SEMA5A: variants seen among roughly 807,000 people sequenced by gnomAD.
SEMA5A encodes the protein semaphorin-5A.
In SEMA5A, 55 loss-of-function variants were observed where a neutral mutation model predicts 135.5. The observed-to-expected ratio is 0.41, with a 90% CI of 0.33 to 0.51. SEMA5A has a LOEUF of 0.51. Ranked by LOEUF, SEMA5A falls within the 20% of genes least tolerant of loss-of-function variation. The pLI is 0.37. For missense variants in SEMA5A, 1,290 were observed against 1,419.9 expected (o/e 0.91, Z 1.47); for synonymous variants, 580 against 546.5 (o/e 1.06, Z -0.85).
intron 5 of SEMA5A, among the ~76,000 whole-genome samples, chr5:9,317,804 C>T (rs1209705614): frequency 6.6e-6 from 1 of 152,084 alleles, no homozygotes; most frequent in Non-Finnish European, 1.5e-5. Context: ...GAAAAGTGGG[C>T]TTTTGTGACT....
chr5:9,152,870 G>A (rs182394442), intron 12 of SEMA5A, among the ~76,000 whole-genome samples: 52 of 152,182 alleles, frequency 3.4e-4, no homozygotes, highest in African/African-American at 1.1e-3. Flanking sequence ...TCAGGAATTC[G>A]GGACCAGCCT....
chr5:9,338,077 A>G (rs1224984284), intron 3 of SEMA5A, among the ~76,000 whole-genome samples: 1 of 152,170 alleles, frequency 6.6e-6, no homozygotes, highest in Non-Finnish European at 1.5e-5. Context: ...CCAGATGTGC[A>G]TTTTCCTTTT....
At chr5:9,147,719 CA>C (rs1377264067) in intron 12 of SEMA5A, among the ~76,000 whole-genome samples, 1 of 56,712 alleles carries the variant, frequency 1.8e-5, no homozygotes, top group African/African-American at 6.7e-5. Context: ...AAAAATAAAA[CA>C]AACCAAAAAA....
intron 2 of SEMA5A, among the ~76,000 whole-genome samples, chr5:9,432,413 G>A (rs986671817): frequency 1.3e-5 from 2 of 152,096 alleles, no homozygotes; most frequent in South Asian, 4.1e-4. Flanking sequence ...TCAGGAACGT[G>A]GCACCGAAAG....
At chr5:9,527,939 G>T (rs1579690022) in intron 1 of SEMA5A, among the ~76,000 whole-genome samples, 1 of 152,102 alleles carries the variant, frequency 6.6e-6, no homozygotes, top group East Asian at 1.9e-4. Flanking sequence ...AAGACATCCT[G>T]CAACTAATCT....
At chr5:9,444,626 T>C (rs1006016535) in intron 1 of SEMA5A, among the ~76,000 whole-genome samples, 28 of 152,236 alleles carry the variant, frequency 1.8e-4, no homozygotes, top group African/African-American at 6.5e-4. Flanking sequence ...ATTTTTGCAA[T>C]TGCGAACTGT....
chr5:9,414,700 T>C (rs1466136238), intron 2 of SEMA5A, among the ~76,000 whole-genome samples: 1 of 152,176 alleles, frequency 6.6e-6, no homozygotes, highest in Non-Finnish European at 1.5e-5. Context: ...CATTCACAAG[T>C]AAGAGAAGAA....
At position 9,040,716 on chromosome 5, in the gene SEMA5A, T is replaced by C. The variant is rs1035382805; in HGVS notation, c.*2181A>G. The C allele has an allele frequency of 6.6e-6, 1 of 152,168 alleles. No individual in the cohort carries two copies. The highest frequency in any genetic ancestry group is 6.5e-5 in the Admixed American group (1 of 15,278). The allele number at this position is 152,168 out of a possible 1,614,324, so 9.4% of individuals were successfully genotyped here. A position where few individuals can be genotyped will look rare whatever the true frequency, so the allele number is the denominator to read the frequency against. On this transcript the variant is annotated 3_prime_UTR_variant, in exon 23 of 23. Transcript: ENST00000382496. ...TTTTTCCCAAGTCATTGCAAAAGAC[T>C]CATTAAAGACCAGCTTCGATGCCAT...
intron 6 of SEMA5A, among the ~76,000 whole-genome samples, chr5:9,231,488 A>G (rs1248896420): frequency 6.6e-6 from 1 of 151,694 alleles, no homozygotes; most frequent in South Asian, 2.1e-4. Flanking sequence ...AAAAAAAAAA[A>G]AAAAATGGAA....
chr5:9,494,571 A>G (rs1231193354), intron 1 of SEMA5A, among the ~76,000 whole-genome samples: 2 of 152,078 alleles, frequency 1.3e-5, no homozygotes, highest in Non-Finnish European at 2.9e-5. Context: ...TTAGTAGGTC[A>G]TGGATGAGTC....
At chr5:9,135,576 T>C (rs369320255) in intron 13 of SEMA5A, among the ~76,000 whole-genome samples, 21 of 152,238 alleles carry the variant, frequency 1.4e-4, no homozygotes, top group African/African-American at 5.1e-4. Context: ...AGGCTGACTG[T>C]TGCAACGCCT....
At position 9,325,232 on chromosome 5, in the gene SEMA5A, G is replaced by A. The variant is rs551415195; in HGVS notation, c.225-6815C>T. On this transcript the variant is annotated intron_variant, in intron 4 of 22. Transcript: ENST00000382496. ...ATGAGTTTTTTCTGCCTGTGGTATG[G>A]ATCTACTTTTTTTTTTTTTTCTCAA... Among the ~76,000 whole-genome samples, 404 of 141,182 alleles carry A rather than the reference G, an allele frequency of 2.9e-3. 1 individual carries two copies. Among genetic ancestry groups the A allele is most frequent in the African/African-American group, 0.012 (392 of 33,204 alleles). 92.6% of individuals were successfully genotyped at this position (141,182 alleles called of 152,430 possible).
chr5:9,152,194 A>T (rs1393549396), intron 12 of SEMA5A, among the ~76,000 whole-genome samples: 1 of 152,238 alleles, frequency 6.6e-6, no homozygotes, highest in African/African-American at 2.4e-5. Flanking sequence ...CCCTGCAGAC[A>T]GCACAGGCCT....
intron 5 of SEMA5A, among the ~76,000 whole-genome samples, chr5:9,272,201 G>C (rs1022297336): frequency 6.6e-6 from 1 of 152,034 alleles, no homozygotes; most frequent in African/African-American, 2.4e-5. Context: ...GTCTGCCATT[G>C]CTTAGGCTTG....
chr5:9,350,862 C>A (rs567548513), intron 3 of SEMA5A, among the ~76,000 whole-genome samples: 3 of 152,200 alleles, frequency 2.0e-5, no homozygotes, highest in Non-Finnish European at 4.4e-5. Context: ...TCTACCCCAT[C>A]ACTGTAATCA....
chr5:9,457,251 T>G (rs529183445), intron 1 of SEMA5A, among the ~76,000 whole-genome samples: 3 of 152,350 alleles, frequency 2.0e-5, no homozygotes, highest in Non-Finnish European at 4.4e-5. Context: ...TGAAGAGGAC[T>G]TCTCAAAAGC....
chr5:9,445,177 G>T (rs1341078031), intron 1 of SEMA5A, among the ~76,000 whole-genome samples: 1 of 152,154 alleles, frequency 6.6e-6, no homozygotes, highest in Non-Finnish European at 1.5e-5. Flanking sequence ...TGGATGTTGT[G>T]CTGAATGACG....
At position 9,237,663 on chromosome 5, in the gene SEMA5A, T is replaced by C. The variant is rs535369433; in HGVS notation, c.333+165A>G. On this transcript the variant is annotated intron_variant, in intron 6 of 22. Coordinates refer to ENST00000382496, the MANE Select transcript of SEMA5A (RefSeq NM_003966.3). ...GATTGATTGCTGGGGTTAATTTTAA[T>C]TTAGTATTAAAAACTTGAGAATATA... 5 of 452,754 alleles carry C rather than the reference T, an allele frequency of 1.1e-5. 1 individual carries two copies. The East Asian group carries it at 1.3e-4, about 12-fold the overall frequency. 28.0% of individuals were successfully genotyped at this position (452,754 alleles called of 1,614,324 possible). A position where few individuals can be genotyped will look rare whatever the true frequency, so the allele number is the denominator to read the frequency against.
At chr5:9,430,344 T>C (rs1757813419) in intron 2 of SEMA5A, among the ~76,000 whole-genome samples, 1 of 152,182 alleles carries the variant, frequency 6.6e-6, no homozygotes. Flanking sequence ...GGCAGTTGAA[T>C]ATATAAACAA....
Sources: gnomAD v4.1 joint callset for allele counts (sites outside exome capture counted in the v4.1 genomes callset) on GRCh38, gnomAD v4.1.1 for gene constraint, MANE v1.5 for transcripts, NCBI Gene and HGNC (gene_info 2026-07-23, HGNC 2026-07-21) for gene names.